Variants in THEMIS2 observed in about 807,000 individuals in gnomAD.
THEMIS2 encodes thymocyte selection associated family member 2.
A neutral mutation model predicts 46.8 loss-of-function variants in THEMIS2; 29 were observed. That is an observed-to-expected ratio of 0.62 (90% confidence interval 0.46 to 0.84). THEMIS2 has a LOEUF of 0.84. Among genes scored for constraint, THEMIS2 ranks in the 40% least tolerant of loss-of-function variants. The pLI, the probability that THEMIS2 is intolerant of heterozygous loss-of-function variation, is 0.00. For missense variants in THEMIS2, 698 were observed against 834.7 expected (o/e 0.84, Z 2.02); for synonymous variants, 335 against 349.1 (o/e 0.96, Z 0.45).
At position 27,885,326 on chromosome 1, in the gene THEMIS2, C is replaced by T. The variant is rs1062813; in HGVS notation, c.1751C>T (p.Ala584Val). Residue 584 changes from alanine (A) to valine (V), a missense_variant, in exon 5 of 6, where the codon GCT becomes GTT. Physicochemically the swap from Ala to Val is moderately conservative, Grantham distance 64 (BLOSUM62 0). Transcript: ENST00000373921. Reference protein sequence around the residue: ...SSQVLGLQQHARLPKPKAKTL... With the variant: ...SSQVLGLQQHVRLPKPKAKTL... ...CAAGTCTTAGGATTGCAGCAACACG[C>T]TCGGCTGCCCAAACCCAAGGCGAAG... The T allele has an allele frequency of 7.4e-6, 12 of 1,614,052 alleles. No homozygotes were observed. Among genetic ancestry groups the T allele is most frequent in the African/African-American group, 5.3e-5 (4 of 74,930 alleles).
At chr1:27,885,551 T>A (rs544599415) in intron 5 of THEMIS2, 100 bp downstream of exon 5, 2 of 1,425,802 alleles carry the variant, frequency 1.4e-6, no homozygotes, top group East Asian at 4.8e-5. Flanking sequence ...GACAGACCCT[T>A]CTATGGTCCC....
intron 1 of THEMIS2, among the ~76,000 whole-genome samples, chr1:27,874,037 T>TTTTTTTTTTTG (rs2089535762): frequency 7.5e-6 from 1 of 132,620 alleles, no homozygotes; most frequent in African/African-American, 3.2e-5. Flanking sequence ...ACCTAGGTTT[T>TTTTTTTTTTTG]TTTTTTTTTT....
At chr1:27,874,965 GTTTCTT>G (rs1300299799) in intron 1 of THEMIS2, among the ~76,000 whole-genome samples, 1 of 150,820 alleles carries the variant, frequency 6.6e-6, no homozygotes, top group Non-Finnish European at 1.5e-5. Context: ...CTGAGAGGCT[GTTTCTT>G]TTTCTTCTTC....
At chr1:27,880,123 C>G in intron 3 of THEMIS2, 69 bp downstream of exon 3, 1 of 1,486,200 alleles carries the variant, frequency 6.7e-7, no homozygotes, top group Non-Finnish European at 9.0e-7. Flanking sequence ...GGGAGCTGCT[C>G]TGATGGAAGA....
At chr1:27,875,223 CCT>C (rs2089555776) in intron 1 of THEMIS2, among the ~76,000 whole-genome samples, 4 of 152,176 alleles carry the variant, frequency 2.6e-5, no homozygotes, top group South Asian at 4.1e-4. Context: ...AGGTGATCCC[CCT>C]GTCTTGGCCT....
At chr1:27,878,890 T>G (rs1450751291) in intron 2 of THEMIS2, among the ~76,000 whole-genome samples, 1 of 152,206 alleles carries the variant, frequency 6.6e-6, no homozygotes, top group Non-Finnish European at 1.5e-5. Flanking sequence ...TCCTGTTTCT[T>G]CATTCTCCTT....
At chr1:27,873,361 ACAGTGGATGGGTGGC>A (rs1353272907) in intron 1 of THEMIS2, among the ~76,000 whole-genome samples, 10 of 152,146 alleles carry the variant, frequency 6.6e-5, no homozygotes, top group African/African-American at 2.4e-4. Flanking sequence ...GTAAGACAGC[ACAGTGGATGGGTGGC>A]CAGTGCTGCT....
At chr1:27,876,070 C>A (rs1346109719) in intron 1 of THEMIS2, among the ~76,000 whole-genome samples, 1 of 152,002 alleles carries the variant, frequency 6.6e-6, no homozygotes, top group Non-Finnish European at 1.5e-5. Flanking sequence ...CAGTGCCCCT[C>A]TATTTTCCAG....
At position 27,882,969 on chromosome 1, in the gene THEMIS2, GC is replaced by G. The variant is rs750840849; in HGVS notation, c.1652del (p.Pro551HisfsTer28). The G allele has an allele frequency of 6.2e-7, 1 of 1,613,308 alleles. No homozygotes were observed. ...GAAGTTACCAGCCTGTGAGATCCAAGCCCCCCCACCCAGGCCCCCTAAAAAT... is the reference window on the plus strand; with the variant it reads ...GAAGTTACCAGCCTGTGAGATCCAAGCCCCCCACCCAGGCCCCCTAAAAAT... ...LRKLPACEIQ[A>X]PPPRPPKNQG... On this transcript the variant is annotated frameshift_variant, in exon 4 of 6. Coordinates refer to ENST00000373921, the MANE Select transcript of THEMIS2 (RefSeq NM_001105556.3). LOFTEE classifies it high-confidence loss of function. The surrounding 1 kb of genome is among the most constrained non-coding windows in gnomAD (Gnocchi z 7.6).
intron 4 of THEMIS2, chr1:27,883,261 C>T (rs769315095): frequency 1.7e-5 from 10 of 578,932 alleles, no homozygotes; most frequent in Non-Finnish European, 3.0e-5. Context: ...CTTGGAGACC[C>T]TAAGACTTGC....
At chr1:27,874,033 G>GTTTTTTTTTTTTT (rs1256524975) in intron 1 of THEMIS2, among the ~76,000 whole-genome samples, 1,650 of 97,016 alleles carry the variant, frequency 0.017, 331 homozygotes, top group African/African-American at 0.072. Context: ...TTCAACCTAG[G>GTTTTTTTTTTTTT]TTTTTTTTTT....
chr1:27,885,897 T>G lies in THEMIS2; in HGVS notation c.1907T>G (p.Leu636Arg). ...DDDEHDYEEI[L>R]EQFQKTI ...GATGAACATGATTATGAAGAAATAC[T>G]TGAGCAATTTCAGAAAACCATCTAA... Residue 636 changes from leucine (L) to arginine (R), a missense_variant, in exon 6 of 6, where the codon CTT becomes CGT. Leu to Arg is a moderately radical substitution (Grantham distance 102). Transcript: ENST00000373921. 2 of 1,614,054 alleles carry G rather than the reference T, an allele frequency of 1.2e-6. No homozygotes were observed. Among genetic ancestry groups the G allele is most frequent in the Non-Finnish European group, 1.7e-6 (2 of 1,180,012 alleles).
intron 2 of THEMIS2, 146 bp downstream of exon 2, chr1:27,876,874 C>T: frequency 2.9e-6 from 3 of 1,029,108 alleles, no homozygotes; most frequent in Non-Finnish European, 4.2e-6. Context: ...AACCCAGCCT[C>T]AAGGGTGGGG....
Position 27,885,915 on chromosome 1 carries a change from C to CCAT in THEMIS2, c.1927_1929dup (p.Ile643dup), listed in dbSNP as rs1048046366. The CCAT allele has an allele frequency of 9.3e-6, 15 of 1,613,844 alleles. No homozygotes were observed. In the African/African-American group the frequency reaches 1.7e-4, roughly 19 times the overall value. ...GAAATACTTGAGCAATTTCAGAAAA[C>CCAT]CATCTAAGTGCTGGAGGAACCACGC... is the stretch of plus-strand genomic sequence containing the variant. On this transcript the variant is annotated inframe_insertion, in exon 6 of 6. Coordinates refer to ENST00000373921, the MANE Select transcript of THEMIS2 (RefSeq NM_001105556.3).
rs373158469 is a variant in THEMIS2 at position 27,882,746 on chromosome 1, C to G, written c.1422C>G (p.Gly474=). The G allele has an allele frequency of 1.2e-6, 2 of 1,613,722 alleles. No homozygotes were observed. Among genetic ancestry groups the G allele is most frequent in the Non-Finnish European group, 1.7e-6 (2 of 1,179,926 alleles). The part of the protein sequence containing the change: ...HPTDPLTSFL[G]LRLEEKITEP... ...CTGACCCTCTGACCTCCTTCCTGGG[C>G]CTGCGGCTGGAGGAGAAGATCACAG... The change falls in exon 4 of 6, where the codon GGC becomes GGG. Residue 474 remains glycine, a synonymous_variant. Coordinates refer to ENST00000373921, the MANE Select transcript of THEMIS2 (RefSeq NM_001105556.3). The surrounding 1 kb of genome is among the most constrained non-coding windows in gnomAD (Gnocchi z 7.6).
intron 3 of THEMIS2, among the ~76,000 whole-genome samples, chr1:27,880,650 T>C (rs1186523458): frequency 6.6e-6 from 1 of 152,204 alleles, no homozygotes; most frequent in Non-Finnish European, 1.5e-5. Context: ...AAAAATTAGC[T>C]AGGCTTAGTG....
chr1:27,879,623 G>A lies in THEMIS2; in HGVS notation c.236-21G>A, dbSNP rs375175632. The A allele has an allele frequency of 7.7e-6, 12 of 1,559,372 alleles. No homozygotes were observed. The Admixed American group carries it at 8.8e-5, about 11-fold the overall frequency. On this transcript the variant is annotated intron_variant, in intron 2 of 5. Transcript: ENST00000373921. ...CCTGACACCCCACAGTGACCTGCCT[G>A]CTCTCTGCTGTCCCCCACAGGCTAC...
At chr1:27,880,216 G>A (rs1031865603) in intron 3 of THEMIS2, among the ~76,000 whole-genome samples, 162 bp downstream of exon 3, 1 of 151,896 alleles carries the variant, frequency 6.6e-6, no homozygotes, top group Non-Finnish European at 1.5e-5. Flanking sequence ...TTTTTTTTGA[G>A]ATGGAGTTTC....
chr1:27,882,831 C>T lies in THEMIS2; in HGVS notation c.1507C>T (p.Arg503Trp), dbSNP rs1002208728. 1.1e-5 allele frequency: 17 copies of T among 1,613,804 alleles called. No individual in the cohort carries two copies. Among genetic ancestry groups the T allele is most frequent in the Non-Finnish European group, 1.4e-5 (16 of 1,179,932 alleles). ...TGGGATGTGCTTTGAGATCCCTCCC[C>T]GGTGGCTGGACCTGACTGTTGTGAA... is the stretch of plus-strand genomic sequence containing the variant. ...EPGMCFEIPPRWLDLTVVKAK... is the reference protein window; with the variant it reads ...EPGMCFEIPPWWLDLTVVKAK... The change falls in exon 4 of 6, where the codon CGG becomes TGG. Residue 503 changes from arginine to tryptophan, a missense_variant. Transcript: ENST00000373921. This position sits in a 1 kb window ranked among gnomAD's most constrained non-coding sequence, Gnocchi z 7.6.
Sources: allele counts gnomAD v4.1 joint callset (sites outside exome capture counted in the v4.1 genomes callset), GRCh38; gene constraint gnomAD v4.1.1; non-coding constraint Gnocchi (gnomAD v3.1); transcripts MANE v1.5; gene names NCBI Gene and HGNC (gene_info 2026-07-23, HGNC 2026-07-21).